RNF166: variants seen among roughly 807,000 people sequenced by gnomAD.
RNF166 encodes ring finger protein 166.
A neutral mutation model predicts 29.4 loss-of-function variants in RNF166; 19 were observed. That is an observed-to-expected ratio of 0.65 (90% CI 0.45 to 0.95). The LOEUF is 0.95. Ranked by LOEUF, RNF166 falls within the 40% of genes least tolerant of loss-of-function variation. The probability of loss-of-function intolerance (pLI) is 0.00; values close to 1 mark genes in which losing one functional copy is unlikely to be tolerated. For missense variants in RNF166, 347 were observed against 322.1 expected (o/e 1.08, Z -0.59); for synonymous variants, 171 against 134.5 (o/e 1.27, Z -1.88).
At position 88,697,652 on chromosome 16, in the gene RNF166, G is replaced by A; in HGVS notation, c.649-19C>T. ...TGTAGTCCTGGAGACAGGAAGGAGA[G>A]ATGCACCGGGCTCGAGGGAGACAGG... On this transcript the variant is annotated intron_variant, in intron 5 of 5. Coordinates refer to ENST00000312838, the MANE Select transcript of RNF166 (RefSeq NM_178841.4). 1.9e-6 allele frequency: 3 copies of A among 1,539,624 alleles called. No individual in the cohort carries two copies. Among genetic ancestry groups the A allele is most frequent in the East Asian group, 2.4e-5 (1 of 40,878 alleles).
intron 3 of RNF166, among the ~76,000 whole-genome samples, chr16:88,699,342 G>A (rs764125122): frequency 1.2e-4 from 19 of 152,356 alleles, no homozygotes; most frequent in Admixed American, 6.5e-4. Context: ...GCCGTCTCTC[G>A]GCCCATCCAC....
chr16:88,704,728 G>A lies in RNF166; in HGVS notation c.155+1443C>T, dbSNP rs542566182. Among the ~76,000 whole-genome samples the A allele has an allele frequency of 5.3e-4, 80 of 152,302 alleles. 2 individuals carry two copies. In the South Asian group the frequency reaches 0.012, roughly 23 times the overall value. ...AGTCCTGCCAGGCGCGGTGGCTCAC[G>A]CCTGTCATCCCAGCACTTTGGGAGG... is the stretch of plus-strand genomic sequence containing the variant. On this transcript the variant is annotated intron_variant, in intron 1 of 5. Coordinates refer to ENST00000312838, the MANE Select transcript of RNF166 (RefSeq NM_178841.4).
intron 1 of RNF166, chr16:88,703,472 G>A: frequency 8.1e-6 from 8 of 985,470 alleles, no homozygotes; most frequent in Non-Finnish European, 8.4e-6. Flanking sequence ...ACTCAGGAAA[G>A]ACACAAGAGG....
At chr16:88,702,422 C>A (rs990172302) in intron 1 of RNF166, among the ~76,000 whole-genome samples, 1 of 152,180 alleles carries the variant, frequency 6.6e-6, no homozygotes, top group African/African-American at 2.4e-5. Flanking sequence ...GTACAGGAGC[C>A]CCACTGGACA....
chr16:88,699,718 C>A lies in RNF166; in HGVS notation c.327G>T (p.Lys109Asn). The change falls in exon 3 of 6, where the codon AAG becomes AAT. Residue 109 changes from lysine to asparagine, a missense_variant. Physicochemically the swap from Lys to Asn is moderately conservative, Grantham distance 94 (BLOSUM62 0). Transcript: ENST00000312838. ...RGCNKKVTLA[K>N]MRVHISSCLK... Reference sequence around the variant, plus strand: ...GGCAGGACGAAATGTGCACTCTCATCTTTGCCAGGGTCACCTAGGAGACAG... The same window carrying A: ...GGCAGGACGAAATGTGCACTCTCATATTTGCCAGGGTCACCTAGGAGACAG... 6.2e-7 allele frequency: 1 copy of A among 1,612,932 alleles called. No homozygotes were observed. Among genetic ancestry groups the A allele is most frequent in the Non-Finnish European group, 8.5e-7 (1 of 1,179,678 alleles).
intron 1 of RNF166, chr16:88,704,612 C>G (rs1910581958): frequency 1.0e-6 from 1 of 963,840 alleles, no homozygotes. Context: ...TTTTCTAAAA[C>G]AAGGCCTAAG....
At chr16:88,706,090 C>T (rs1464891975) in intron 1 of RNF166, 81 bp downstream of exon 1, 1 of 965,878 alleles carries the variant, frequency 1.0e-6, no homozygotes, top group Non-Finnish European at 1.2e-6. Context: ...CGGAGCTGCA[C>T]CGGGGCGGCC....
chr16:88,704,269 C>T lies in RNF166; in HGVS notation c.155+1902G>A, dbSNP rs950219792. The T allele has an allele frequency of 7.1e-6, 7 of 985,282 alleles. No homozygotes were observed. The African/African-American group carries it at 8.7e-5, about 12-fold the overall frequency. 61.0% of individuals were successfully genotyped at this position (985,282 alleles called of 1,614,324 possible). On this transcript the variant is annotated intron_variant, in intron 1 of 5. Transcript: ENST00000312838. ...CACCAACAAGAAACAAAGTTAGAAGCAGAGAGAGAACAGCCAGAAAACAAA... is the reference window on the plus strand; with the variant it reads ...CACCAACAAGAAACAAAGTTAGAAGTAGAGAGAGAACAGCCAGAAAACAAA...
chr16:88,701,248 A>C lies in RNF166; in HGVS notation c.312+14T>G, dbSNP rs1910196045. The stretch of plus-strand genomic sequence containing the variant: ...AGTGACCCCGGCTCCAGGGCGGCCC[A>C]AGCAGGCGGGTACCTTTTTGTTGCA... On this transcript the variant is annotated intron_variant, in intron 2 of 5. Coordinates refer to ENST00000312838, the MANE Select transcript of RNF166 (RefSeq NM_178841.4). 6.2e-7 allele frequency: 1 copy of C among 1,613,268 alleles called. No individual in the cohort carries two copies.
Position 88,706,153 on chromosome 16 carries a change from C to T in RNF166, c.155+18G>A. The T allele has an allele frequency of 1.7e-6, 2 of 1,178,498 alleles. No homozygotes were observed. Among genetic ancestry groups the T allele is most frequent in the Non-Finnish European group, 2.1e-6 (2 of 957,724 alleles). The allele number at this position is 1,178,498 out of a possible 1,614,324, so 73.0% of individuals were successfully genotyped here. ...GGGCACGGCCCCCTCCCCGCGGCCC[C>T]TGGGCGGGCGCGCTCACGTGTGGCC... On this transcript the variant is annotated intron_variant, in intron 1 of 5. Coordinates refer to ENST00000312838, the MANE Select transcript of RNF166 (RefSeq NM_178841.4).
chr16:88,698,899 G>T lies in RNF166; in HGVS notation c.540+72C>A, dbSNP rs951429341. 4.9e-6 allele frequency: 6 copies of T among 1,219,478 alleles called. 1 individual carries two copies. The Middle Eastern group carries it at 7.9e-4, about 161-fold the overall frequency. 75.5% of individuals were successfully genotyped at this position (1,219,478 alleles called of 1,614,324 possible). A position where few individuals can be genotyped will look rare whatever the true frequency, so the allele number is the denominator to read the frequency against. ...GCACCCCCGGACTCGCCGCGAGCAG[G>T]CTCCTGGGCCTTGTACTGTCCCCCA... On this transcript the variant is annotated intron_variant, in intron 4 of 5. Transcript: ENST00000312838.
chr16:88,706,133 C>G, intron 1 of RNF166, 38 bp downstream of exon 1: 1 of 1,130,854 alleles, frequency 8.8e-7, no homozygotes, highest in Non-Finnish European at 1.1e-6. Flanking sequence ...CGGCGGGGCA[C>G]GGCCCCCTCC....
chr16:88,699,826 C>G, intron 2 of RNF166, 94 bp from the exon 3 acceptor site: 1 of 816,920 alleles, frequency 1.2e-6, no homozygotes, highest in Non-Finnish European at 1.9e-6. Context: ...GACCAGAGAA[C>G]TGTAAGCAAG....
At chr16:88,701,226 G>T (rs768660780) in intron 2 of RNF166, 36 bp downstream of exon 2, 1 of 1,612,560 alleles carries the variant, frequency 6.2e-7, no homozygotes, top group Non-Finnish European at 8.5e-7. Flanking sequence ...CCCATCAAGT[G>T]ACCCCGGCTC....
chr16:88,705,033 C>T (rs951277830), intron 1 of RNF166, among the ~76,000 whole-genome samples: 8 of 152,218 alleles, frequency 5.3e-5, no homozygotes, highest in African/African-American at 1.9e-4. Context: ...CCCAAAATGT[C>T]ACGGCTAAGT....
intron 2 of RNF166, 134 bp from the exon 3 acceptor site, chr16:88,699,866 G>A (rs1379249786): frequency 1.3e-5 from 8 of 599,080 alleles, no homozygotes; most frequent in African/African-American, 3.8e-5. Flanking sequence ...AGGGGGACCC[G>A]GTCCCTTCTG....
chr16:88,703,260 A>C, intron 1 of RNF166: 1 of 981,126 alleles, frequency 1.0e-6, no homozygotes, highest in Non-Finnish European at 1.2e-6. Flanking sequence ...CGATTGTTGC[A>C]TAATTGCAAA....
intron 2 of RNF166, 66 bp from the exon 3 acceptor site, chr16:88,699,798 GA>G: frequency 8.7e-7 from 1 of 1,149,370 alleles, no homozygotes; most frequent in Non-Finnish European, 1.3e-6. Flanking sequence ...TGGGGAGGCC[GA>G]GACCTCAGGT....
intron 2 of RNF166, 32 bp from the exon 3 acceptor site, chr16:88,699,764 C>T: frequency 6.4e-7 from 1 of 1,558,872 alleles, no homozygotes; most frequent in Non-Finnish European, 8.8e-7. Context: ...GCAAGGCGGT[C>T]CTGAGAATCT....
Sources: gnomAD v4.1 joint callset for allele counts (sites outside exome capture counted in the v4.1 genomes callset) on GRCh38, gnomAD v4.1.1 for gene constraint, MANE v1.5 for transcripts, NCBI Gene and HGNC (gene_info 2026-07-23, HGNC 2026-07-21) for gene names.